The following CTNNA2 variants were observed in gnomAD, a reference collection of about 807,000 sequenced individuals.
CTNNA2 encodes catenin alpha-2.
CTNNA2 carries 42 observed loss-of-function variants against 101.0 expected under a neutral mutation model. The observed-to-expected ratio is 0.42, with a 90% confidence interval of 0.32 to 0.54. CTNNA2 has a LOEUF of 0.54. Among genes scored for constraint, CTNNA2 ranks in the 20% least tolerant of loss-of-function variants. CTNNA2 has a pLI of 0.14. For missense variants in CTNNA2, 871 were observed against 1,223.1 expected (o/e 0.71, Z 4.29); for synonymous variants, 450 against 456.4 (o/e 0.99, Z 0.18).
At chr2:80,306,780 T>A (rs1440014481) in intron 7 of CTNNA2, among the ~76,000 whole-genome samples, 1 of 148,718 alleles carries the variant, frequency 6.7e-6, no homozygotes, top group African/African-American at 2.5e-5. Flanking sequence ...CACCACCCAA[T>A]CCCTAGGGTT....
rs1681254219 is a variant in CTNNA2 at position 79,651,568 on chromosome 2, A to T, written c.12A>T (p.Ala4=). The part of the protein sequence containing the change: MTS[A]TSPIILKWDP... The stretch of plus-strand genomic sequence containing the variant: ...TTCCCATAGGGAGCATGACTTCGGC[A>T]ACTTCACCTATCATTCTGAAATGGG... Residue 4 remains alanine (A), a synonymous_variant, in exon 2 of 19, where the codon GCA becomes GCT. Transcript: ENST00000402739. 1 of 1,613,688 alleles carries T rather than the reference A, an allele frequency of 6.2e-7. No homozygotes were observed. Among genetic ancestry groups the T allele is most frequent in the South Asian group, 1.1e-5 (1 of 91,076 alleles).
chr2:79,774,335 C>T (rs1292128930), intron 3 of CTNNA2, among the ~76,000 whole-genome samples: 2 of 152,206 alleles, frequency 1.3e-5, no homozygotes, highest in East Asian at 3.9e-4. Flanking sequence ...TCTAGCCTAG[C>T]TGACCCTGTA....
At chr2:79,795,737 G>A (rs1320118280) in intron 3 of CTNNA2, among the ~76,000 whole-genome samples, 1 of 152,096 alleles carries the variant, frequency 6.6e-6, no homozygotes, top group Non-Finnish European at 1.5e-5. Context: ...ATTTTGTGTA[G>A]GACTCAGAAC....
At chr2:79,981,914 C>T (rs377578594) in intron 7 of CTNNA2, among the ~76,000 whole-genome samples, 36 of 151,850 alleles carry the variant, frequency 2.4e-4, no homozygotes, top group South Asian at 4.1e-4. Context: ...CTTGATTAAA[C>T]GACTTTGAGT....
chr2:80,571,189 GTT>G (rs1335536153), intron 12 of CTNNA2, among the ~76,000 whole-genome samples: 3 of 152,138 alleles, frequency 2.0e-5, no homozygotes, highest in Admixed American at 6.5e-5. Context: ...ATAGAGGTGT[GTT>G]CATGCAGGTT....
chr2:79,304,066 G>T (rs1017448300), intron 2 of CTNNA2, among the ~76,000 whole-genome samples: 1 of 152,062 alleles, frequency 6.6e-6, no homozygotes, highest in African/African-American at 2.4e-5. Context: ...GGGTGTGGGG[G>T]CCAGTGGGGC....
intron 1 of CTNNA2, among the ~76,000 whole-genome samples, chr2:79,582,427 G>A (rs1676205162): frequency 6.6e-6 from 1 of 152,064 alleles, no homozygotes; most frequent in Admixed American, 6.6e-5. Flanking sequence ...CCATGTTTTA[G>A]ATGTCTCTCT....
intron 9 of CTNNA2, among the ~76,000 whole-genome samples, chr2:80,483,137 T>C (rs1454750417): frequency 6.6e-6 from 1 of 152,170 alleles, no homozygotes; most frequent in East Asian, 1.9e-4. Flanking sequence ...GAGAGTAGCA[T>C]AGCTGAGCTC....
chr2:79,734,048 A>G (rs910427536), intron 2 of CTNNA2, among the ~76,000 whole-genome samples: 2 of 152,162 alleles, frequency 1.3e-5, no homozygotes, highest in Non-Finnish European at 2.9e-5. Context: ...ACCTTAGTAA[A>G]TGCAAAATAG....
intron 1 of CTNNA2, among the ~76,000 whole-genome samples, chr2:79,553,470 G>C (rs778930386): frequency 2.0e-5 from 3 of 152,088 alleles, no homozygotes; most frequent in African/African-American, 7.2e-5. Context: ...TTTTTGCATT[G>C]CTGTAAAGAA....
rs141132658 is a variant in CTNNA2 at position 80,383,530 on chromosome 2, G to T, written c.1057-9681G>T. On this transcript the variant is annotated intron_variant, in intron 7 of 18. Coordinates refer to ENST00000402739, the MANE Select transcript of CTNNA2 (RefSeq NM_001282597.3). ...ATACTGTAAATATATGCATGGTTTG[G>T]CACACTACCTACATGAAAGATGTGG... 2.4e-3 allele frequency among the ~76,000 whole-genome samples: 368 copies of T among 152,224 alleles called. 2 individuals carry two copies. Among genetic ancestry groups the T allele is most frequent in the African/African-American group, 8.4e-3 (347 of 41,542 alleles).
At chr2:80,579,656 G>A (rs918884468) in intron 13 of CTNNA2, among the ~76,000 whole-genome samples, 1 of 152,124 alleles carries the variant, frequency 6.6e-6, no homozygotes, top group Non-Finnish European at 1.5e-5. Context: ...GTAAACATCT[G>A]TAGATGACTG....
At chr2:79,685,125 A>G (rs1417288260) in intron 2 of CTNNA2, among the ~76,000 whole-genome samples, 1 of 152,110 alleles carries the variant, frequency 6.6e-6, no homozygotes, top group Non-Finnish European at 1.5e-5. Context: ...TAAAATTGCT[A>G]ATTTATTTAT....
intron 7 of CTNNA2, among the ~76,000 whole-genome samples, chr2:80,276,683 AGAG>A (rs891565514): frequency 2.0e-5 from 3 of 151,790 alleles, no homozygotes; most frequent in Non-Finnish European, 2.9e-5. Context: ...AAGAAGAAGA[AGAG>A]GAGGAGGAGG....
At chr2:79,764,075 A>C (rs1359841900) in intron 3 of CTNNA2, among the ~76,000 whole-genome samples, 2 of 152,194 alleles carry the variant, frequency 1.3e-5, no homozygotes, top group Non-Finnish European at 2.9e-5. Context: ...TGATGATCAC[A>C]GTGGGTCCAC....
At chr2:80,097,417 T>A (rs190005903) in intron 7 of CTNNA2, among the ~76,000 whole-genome samples, 1 of 152,174 alleles carries the variant, frequency 6.6e-6, no homozygotes, top group African/African-American at 2.4e-5. Flanking sequence ...AACCCGACCT[T>A]TCTCTCTGGC....
At chr2:79,633,738 G>T in intron 1 of CTNNA2, 1 of 152,386 alleles carries the variant, frequency 6.6e-6, no homozygotes, top group East Asian at 1.9e-4. Context: ...TCTTTGGTCA[G>T]AGGAGAGGGA....
chr2:79,685,246 C>T (rs1192272050), intron 2 of CTNNA2, among the ~76,000 whole-genome samples: 5 of 152,090 alleles, frequency 3.3e-5, no homozygotes, highest in African/African-American at 1.2e-4. Flanking sequence ...TTCATTCATT[C>T]ACTTACTAAT....
At position 79,385,495 on chromosome 2, in the gene CTNNA2, C is replaced by CTTTATTTTATTTTATTTTAT. The variant is rs201553740; in HGVS notation, c.-135+11496_-135+11515dup. Among the ~76,000 whole-genome samples, 43 of 151,100 alleles carry CTTTATTTTATTTTATTTTAT rather than the reference C, an allele frequency of 2.8e-4. No homozygotes were observed. In the East Asian group the frequency reaches 4.9e-3, roughly 17 times the overall value. On this transcript the variant is annotated intron_variant, in intron 4 of 21. Coordinates refer to the CTNNA2 transcript ENST00000466387. ...GCTAGCAAACAGGGTTAAATAGGGTCTTTATTTTATTTTATTTTATTTTAT... is the reference window on the plus strand; with the variant it reads ...GCTAGCAAACAGGGTTAAATAGGGTCTTTATTTTATTTTATTTTATTTTATTTTATTTTATTTTATTTTAT...
Sources: allele counts gnomAD v4.1 joint callset (sites outside exome capture counted in the v4.1 genomes callset), GRCh38; gene constraint gnomAD v4.1.1; transcripts MANE v1.5; gene names NCBI Gene and HGNC (gene_info 2026-07-23, HGNC 2026-07-21).